Variants in SLC14A2 observed in about 807,000 individuals in gnomAD.
SLC14A2 encodes the protein solute carrier family 14 member 2, also known as urea transporter 2.
A neutral mutation model predicts 104.6 loss-of-function variants in SLC14A2; 91 were observed. The observed-to-expected ratio is 0.87, with a 90% CI of 0.73 to 1.04. SLC14A2 has a LOEUF of 1.04. Among genes scored for constraint, SLC14A2 ranks in the 50% least tolerant of loss-of-function variants. The probability of loss-of-function intolerance (pLI) is 0.00; values close to 1 mark genes in which losing one functional copy is unlikely to be tolerated. For missense variants in SLC14A2, 1,189 were observed against 1,156.0 expected, an observed-to-expected ratio of 1.03 and a Z score of -0.41; for synonymous variants, 476 against 466.4, an observed-to-expected ratio of 1.02 and a Z score of -0.27.
intron 1 of SLC14A2, among the ~76,000 whole-genome samples, chr18:45,396,617 GT>G (rs891448477): frequency 1.0e-4 from 14 of 135,336 alleles, no homozygotes; most frequent in Middle Eastern, 3.8e-3. Context: ...AGTCAACCTG[GT>G]TTTTTTTTGT....
chr18:45,287,376 T>C (rs2084824998), intron 1 of SLC14A2, among the ~76,000 whole-genome samples: 1 of 152,196 alleles, frequency 6.6e-6, no homozygotes, highest in Non-Finnish European at 1.5e-5. Context: ...ATGGACTGAT[T>C]GGATTTGGAG....
At chr18:45,454,794 G>A (rs2086914897) in intron 1 of SLC14A2, among the ~76,000 whole-genome samples, 1 of 152,164 alleles carries the variant, frequency 6.6e-6, no homozygotes, top group African/African-American at 2.4e-5. Context: ...TGTCAAGTTT[G>A]TCAAAGAGCA....
At chr18:45,670,405 G>T (rs1210651823) in intron 16 of SLC14A2, among the ~76,000 whole-genome samples, 3 of 152,130 alleles carry the variant, frequency 2.0e-5, no homozygotes, top group Non-Finnish European at 4.4e-5. Flanking sequence ...AACAAGGCAC[G>T]TTTTCTCCAA....
chr18:45,303,878 C>A (rs755095333), intron 1 of SLC14A2, among the ~76,000 whole-genome samples: 1 of 152,234 alleles, frequency 6.6e-6, no homozygotes, highest in African/African-American at 2.4e-5. Context: ...CCTGTTCCCA[C>A]CAGTCAATGC....
At chr18:45,346,302 T>G (rs555062685) in intron 1 of SLC14A2, among the ~76,000 whole-genome samples, 1 of 152,248 alleles carries the variant, frequency 6.6e-6, no homozygotes, top group African/African-American at 2.4e-5. Context: ...ATTACAGGCA[T>G]GCACCACCAC....
At chr18:45,405,706 C>T (rs1215259463) in intron 1 of SLC14A2, among the ~76,000 whole-genome samples, 2 of 151,864 alleles carry the variant, frequency 1.3e-5, no homozygotes, top group Non-Finnish European at 2.9e-5. Context: ...AGTTTGAGAC[C>T]AGCCTCATGG....
chr18:45,428,127 A>G (rs1204200347), intron 1 of SLC14A2, among the ~76,000 whole-genome samples: 1 of 152,218 alleles, frequency 6.6e-6, no homozygotes, highest in Non-Finnish European at 1.5e-5. Context: ...GGGAGAGATT[A>G]TATGTAAATC....
chr18:45,195,519 GT>G, the SLC14A2 span, among the ~76,000 whole-genome samples: 1 of 152,278 alleles, frequency 6.6e-6, no homozygotes, highest in East Asian at 1.9e-4. Context: ...AGCCTCCAGA[GT>G]AGCTGGGACT....
intron 1 of SLC14A2, among the ~76,000 whole-genome samples, chr18:45,308,170 G>A (rs565745645): frequency 6.6e-6 from 1 of 152,198 alleles, no homozygotes; most frequent in South Asian, 2.1e-4. Context: ...CTAACACTGG[G>A]GATCACATTT....
At chr18:45,534,773 G>T (rs139156120) in intron 2 of SLC14A2, among the ~76,000 whole-genome samples, 131 of 152,232 alleles carry the variant, frequency 8.6e-4, no homozygotes, top group Middle Eastern at 3.4e-3. Flanking sequence ...TTCCAACCAT[G>T]CATTAGATGA....
At chr18:45,635,069 AT>A (rs1241191130) in intron 5 of SLC14A2, 1 of 347,074 alleles carries the variant, frequency 2.9e-6, no homozygotes. Context: ...CACTCCTTTA[AT>A]TTGCCTAAGT....
At chr18:45,452,581 A>T (rs1206840885) in intron 1 of SLC14A2, among the ~76,000 whole-genome samples, 1 of 152,252 alleles carries the variant, frequency 6.6e-6, no homozygotes, top group East Asian at 1.9e-4. Flanking sequence ...AAAGTCTGAC[A>T]TTAATTTTAT....
chr18:45,192,743 G>GCCTC, the SLC14A2 span, among the ~76,000 whole-genome samples: 3 of 151,684 alleles, frequency 2.0e-5, no homozygotes, highest in Non-Finnish European at 4.4e-5. Context: ...TGCAACCTCC[G>GCCTC]CCTCCCAGGT....
At chr18:45,221,803 G>A (rs561527752) in intron 1 of SLC14A2, among the ~76,000 whole-genome samples, 74 of 152,146 alleles carry the variant, frequency 4.9e-4, no homozygotes, top group African/African-American at 1.7e-3. Flanking sequence ...GTAGAGGTCA[G>A]CAAAGACTTC....
chr18:45,566,466 G>A (rs1006430285), intron 2 of SLC14A2, among the ~76,000 whole-genome samples: 1 of 152,004 alleles, frequency 6.6e-6, no homozygotes, highest in African/African-American at 2.4e-5. Context: ...CTGATGGCAG[G>A]CCTCTCCCTG....
intron 2 of SLC14A2, among the ~76,000 whole-genome samples, chr18:45,521,332 T>C (rs2043513922): frequency 6.6e-6 from 1 of 152,184 alleles, no homozygotes; most frequent in Non-Finnish European, 1.5e-5. Flanking sequence ...TCTGGCATTG[T>C]GCTAAGGACT....
At chr18:45,418,980 G>C (rs1266947598) in intron 1 of SLC14A2, among the ~76,000 whole-genome samples, 1 of 152,142 alleles carries the variant, frequency 6.6e-6, no homozygotes, top group East Asian at 1.9e-4. Flanking sequence ...AATGCAATTG[G>C]TTATATTTGG....
At chr18:45,179,210 T>A in the SLC14A2 span, among the ~76,000 whole-genome samples, 1 of 152,184 alleles carries the variant, frequency 6.6e-6, no homozygotes, top group Admixed American at 6.5e-5. Flanking sequence ...TTTCTATGGA[T>A]CCTGTATCAT....
intron 1 of SLC14A2, among the ~76,000 whole-genome samples, chr18:45,382,307 A>AT (rs35489604): frequency 1.4e-4 from 5 of 34,724 alleles, no homozygotes; most frequent in Non-Finnish European, 7.9e-4. Context: ...GGAACTTAAT[A>AT]TAAGCTCTAG....
Sources: allele counts gnomAD v4.1 joint callset (sites outside exome capture counted in the v4.1 genomes callset), GRCh38; gene constraint gnomAD v4.1.1; transcripts MANE v1.5; gene names NCBI Gene and HGNC (gene_info 2026-07-23, HGNC 2026-07-21).